LUZP2: variants seen among roughly 807,000 people sequenced by gnomAD.
The protein encoded by LUZP2 is leucine zipper protein 2.
LUZP2 carries 52 observed loss-of-function variants against 51.6 expected under a neutral mutation model. The observed-to-expected ratio is 1.01, with a 90% CI of 0.81 to 1.27. The LOEUF is 1.27. LUZP2 is among the 50% of genes most tolerant of loss of function. The probability of loss-of-function intolerance (pLI) is 0.00; values close to 1 mark genes in which losing one functional copy is unlikely to be tolerated. For missense variants in LUZP2, 436 were observed against 395.4 expected (o/e 1.10, Z -0.87); for synonymous variants, 154 against 137.3 (o/e 1.12, Z -0.85).
At chr11:24,887,503 A>C (rs1852708332) in intron 5 of LUZP2, among the ~76,000 whole-genome samples, 1 of 152,174 alleles carries the variant, frequency 6.6e-6, no homozygotes, top group Non-Finnish European at 1.5e-5. Flanking sequence ...TAAAGGAAGT[A>C]TCAGAAAAGC....
intron 1 of LUZP2, among the ~76,000 whole-genome samples, chr11:24,704,364 T>G (rs562656546): frequency 2.0e-5 from 3 of 152,220 alleles, no homozygotes; most frequent in East Asian, 3.9e-4. Flanking sequence ...CTTAGCTACT[T>G]TTTCTCTTAT....
At chr11:24,826,190 A>AAAAAAATATATATATATAT (rs1215786412) in intron 5 of LUZP2, among the ~76,000 whole-genome samples, 3 of 67,548 alleles carry the variant, frequency 4.4e-5, no homozygotes, top group Non-Finnish European at 7.9e-5. Context: ...AAAAAAAAAA[A>AAAAAAATATATATATATAT]ATATATATAT....
intron 5 of LUZP2, among the ~76,000 whole-genome samples, chr11:24,780,819 T>A (rs923124706): frequency 1.3e-5 from 2 of 152,178 alleles, no homozygotes; most frequent in Non-Finnish European, 2.9e-5. Flanking sequence ...CTTCATCATA[T>A]AATATTGGTT....
chr11:24,665,061 G>T (rs1020381103), intron 1 of LUZP2, among the ~76,000 whole-genome samples: 4 of 152,192 alleles, frequency 2.6e-5, no homozygotes, highest in Non-Finnish European at 5.9e-5. Flanking sequence ...GTATGAGAAA[G>T]TAGCCAGGAG....
chr11:24,553,375 A>G (rs1851774643), intron 1 of LUZP2, among the ~76,000 whole-genome samples: 1 of 152,114 alleles, frequency 6.6e-6, no homozygotes, highest in African/African-American at 2.4e-5. Context: ...AATGTAGAGG[A>G]ATATTTTGTA....
Position 24,752,493 on chromosome 11 carries a change from G to C in LUZP2, c.334-10753G>C, listed in dbSNP as rs189174906. On this transcript the variant is annotated intron_variant, in intron 4 of 11. Coordinates refer to ENST00000336930, the MANE Select transcript of LUZP2 (RefSeq NM_001009909.4). The stretch of plus-strand genomic sequence containing the variant: ...ATAAACAGCAGACTGCAAGTGATAT[G>C]AGGATTAATAGTGAACAAATACCTT... 1.0e-3 allele frequency among the ~76,000 whole-genome samples: 154 copies of C among 152,316 alleles called. 1 individual carries two copies. The highest frequency in any genetic ancestry group is 3.4e-3 in the Middle Eastern group (1 of 294).
chr11:24,536,455 C>T (rs778531206), intron 1 of LUZP2, among the ~76,000 whole-genome samples: 1 of 151,864 alleles, frequency 6.6e-6, no homozygotes, highest in Non-Finnish European at 1.5e-5. Context: ...TGCACCTTCT[C>T]AATCAGCACT....
At chr11:25,045,341 A>C (rs1858273065) in intron 9 of LUZP2, among the ~76,000 whole-genome samples, 1 of 151,974 alleles carries the variant, frequency 6.6e-6, no homozygotes, top group African/African-American at 2.4e-5. Context: ...GATGAGCACA[A>C]GGACAGCCTT....
At chr11:24,503,158 G>A (rs202065041) in intron 1 of LUZP2, among the ~76,000 whole-genome samples, 2 of 152,112 alleles carry the variant, frequency 1.3e-5, no homozygotes, top group South Asian at 4.2e-4. Context: ...AGTGGTTGTT[G>A]ACCATCAACT....
At chr11:24,613,261 AATG>A (rs1854178665) in intron 1 of LUZP2, among the ~76,000 whole-genome samples, 1 of 152,124 alleles carries the variant, frequency 6.6e-6, no homozygotes, top group Admixed American at 6.6e-5. Flanking sequence ...TTGACCAGGA[AATG>A]ATGTTAAAAC....
At position 24,717,893 on chromosome 11, in the gene LUZP2, C is replaced by G. The variant is rs367910137; in HGVS notation, c.63-11276C>G. 3.8e-3 allele frequency among the ~76,000 whole-genome samples: 578 copies of G among 152,262 alleles called. 4 individuals are homozygous for G. The highest frequency in any genetic ancestry group is 0.013 in the African/African-American group (557 of 41,560). On this transcript the variant is annotated intron_variant, in intron 1 of 11. Coordinates refer to ENST00000336930, the MANE Select transcript of LUZP2 (RefSeq NM_001009909.4). ...GTGTTAGTTTGCTAATAGCCTCCAG[C>G]TCCATCCAAGTTCCCATAAAAGATA...
intron 1 of LUZP2, among the ~76,000 whole-genome samples, chr11:24,662,621 A>G (rs921367685): frequency 6.6e-6 from 1 of 152,112 alleles, no homozygotes; most frequent in African/African-American, 2.4e-5. Context: ...AATTACTAAT[A>G]ATGAAGAAAA....
intron 5 of LUZP2, among the ~76,000 whole-genome samples, chr11:24,832,761 C>A (rs1850738988): frequency 6.6e-6 from 1 of 151,708 alleles, no homozygotes; most frequent in African/African-American, 2.4e-5. Context: ...TCAAAATGTT[C>A]ACAATAATAT....
chr11:24,597,452 G>A (rs1202600637), intron 1 of LUZP2, among the ~76,000 whole-genome samples: 2 of 152,158 alleles, frequency 1.3e-5, no homozygotes, highest in African/African-American at 4.8e-5. Flanking sequence ...AAGGTTCAGT[G>A]TTTCCCAAAG....
chr11:24,920,177 A>G (rs1474669558), intron 7 of LUZP2, among the ~76,000 whole-genome samples: 1 of 151,948 alleles, frequency 6.6e-6, no homozygotes, highest in African/African-American at 2.4e-5. Context: ...CTCTGTTGAG[A>G]TACATAATGG....
intron 5 of LUZP2, among the ~76,000 whole-genome samples, chr11:24,853,346 G>A (rs1851453238): frequency 6.6e-6 from 1 of 151,688 alleles, no homozygotes; most frequent in Non-Finnish European, 1.5e-5. Flanking sequence ...TAGTTTTGCT[G>A]GATATAAAAT....
chr11:24,566,274 A>G (rs1667322386), intron 1 of LUZP2, among the ~76,000 whole-genome samples: 1 of 150,788 alleles, frequency 6.6e-6, no homozygotes, highest in Non-Finnish European at 1.5e-5. Flanking sequence ...ATGACTAGCG[A>G]TAAAGATTAA....
At chr11:24,972,789 G>T (rs1270619300) in intron 7 of LUZP2, among the ~76,000 whole-genome samples, 1 of 152,062 alleles carries the variant, frequency 6.6e-6, no homozygotes, top group African/African-American at 2.4e-5. Context: ...CTTGATTGTG[G>T]TGGATAACCT....
At position 24,872,113 on chromosome 11, in the gene LUZP2, C is replaced by T. The variant is rs564735814; in HGVS notation, c.397-33878C>T. On this transcript the variant is annotated intron_variant, in intron 5 of 11. Coordinates refer to ENST00000336930, the MANE Select transcript of LUZP2 (RefSeq NM_001009909.4). ...ATGTATATTGTCCGGGTTCTGATTT[C>T]CTTGTATGTGTCAGACACCATCCTT... Among the ~76,000 whole-genome samples, 3 of 152,218 alleles carry T rather than the reference C, an allele frequency of 2.0e-5. No homozygotes were observed. In the South Asian group the frequency reaches 6.2e-4, roughly 32 times the overall value.
Sources: allele counts gnomAD v4.1 joint callset (sites outside exome capture counted in the v4.1 genomes callset), GRCh38; gene constraint gnomAD v4.1.1; transcripts MANE v1.5; gene names NCBI Gene and HGNC (gene_info 2026-07-23, HGNC 2026-07-21).